Variants in CROCC2 observed in about 807,000 individuals in gnomAD.
The protein encoded by CROCC2 is ciliary rootlet coiled-coil, rootletin family member 2, also known as ciliary rootlet coiled-coil protein 2.
In CROCC2, 163 loss-of-function variants were observed where a neutral mutation model predicts 177.6. The ratio of observed to expected loss-of-function variants is 0.92; its 90% confidence interval spans 0.81 to 1.05. The LOEUF is 1.05. CROCC2 is among the 50% of genes least tolerant of loss of function. The pLI is 0.00. For synonymous variants in CROCC2, 904 were observed against 787.3 expected, an observed-to-expected ratio of 1.15 and a Z score of -2.48; for missense variants, 1,929 against 1,797.8, an observed-to-expected ratio of 1.07 and a Z score of -1.32.
rs903430784 is a variant in CROCC2 at position 240,960,585 on chromosome 2, C to T, written c.3087+1141C>T. On this transcript the variant is annotated intron_variant, in intron 20 of 31. Transcript: ENST00000690015. This position sits in a 1 kb window ranked among gnomAD's most constrained non-coding sequence, Gnocchi z 5.0. ...AGGGGAGGGTCAGCTGGAGCCCCAG[C>T]GGGGCCCACGGGGACGGGGCGACCT... 6.6e-6 allele frequency among the ~76,000 whole-genome samples: 1 copy of T among 152,146 alleles called. No individual in the cohort carries two copies. Among genetic ancestry groups the T allele is most frequent in the Non-Finnish European group, 1.5e-5 (1 of 67,958 alleles).
At chr2:240,970,109 A>G (rs2059710862) in intron 27 of CROCC2, among the ~76,000 whole-genome samples, 2 of 152,236 alleles carry the variant, frequency 1.3e-5, no homozygotes, top group African/African-American at 4.8e-5. Flanking sequence ...TGAATTTATC[A>G]AAACTAAGGA....
At position 240,972,484 on chromosome 2, in the gene CROCC2, G is replaced by A. The variant is rs1474370859; in HGVS notation, c.4401+4222G>A. Among the ~76,000 whole-genome samples the A allele has an allele frequency of 2.0e-5, 3 of 152,068 alleles. No homozygotes were observed. The highest frequency in any genetic ancestry group is 4.4e-5 in the Non-Finnish European group (3 of 68,022). ...AACCCTCTTCCCTGAGGTCCTGGTA[G>A]TACAGAGTTGCCTCCCCAACACCCC... On this transcript the variant is annotated intron_variant, in intron 27 of 31. Transcript: ENST00000690015. This position sits in a 1 kb window ranked among gnomAD's most constrained non-coding sequence, Gnocchi z 7.1.
At position 240,917,694 on chromosome 2, in the gene CROCC2, T is replaced by G. The variant is rs1205174880; in HGVS notation, c.79-1032T>G. 6.6e-6 allele frequency among the ~76,000 whole-genome samples: 1 copy of G among 152,102 alleles called. No homozygotes were observed. The highest frequency in any genetic ancestry group is 1.5e-5 in the Non-Finnish European group (1 of 67,968). ...GAGAGCCCTAGGAGTGGACATCCCCTCCCAGCTTCCCCTGGCAAGCATCCA... is the reference window on the plus strand; with the variant it reads ...GAGAGCCCTAGGAGTGGACATCCCCGCCCAGCTTCCCCTGGCAAGCATCCA... On this transcript the variant is annotated intron_variant, in intron 1 of 31. Transcript: ENST00000690015. This position sits in a 1 kb window ranked among gnomAD's most constrained non-coding sequence, Gnocchi z 4.9.
chr2:240,929,717 G>A (rs1477912056), intron 5 of CROCC2: 8 of 458,298 alleles, frequency 1.7e-5, no homozygotes, highest in African/African-American at 1.6e-4. Flanking sequence ...AGACTGTACT[G>A]GAGAAAGGCA....
intron 28 of CROCC2, among the ~76,000 whole-genome samples, chr2:240,983,938 C>T (rs1035446904): frequency 6.6e-6 from 1 of 152,134 alleles, no homozygotes; most frequent in Non-Finnish European, 1.5e-5. Context: ...GTGTGCCCTG[C>T]GGCTGGAGCA....
At chr2:240,959,529 T>C in intron 20 of CROCC2, 85 bp downstream of exon 20, 1 of 1,459,244 alleles carries the variant, frequency 6.9e-7, no homozygotes, top group Non-Finnish European at 9.2e-7. Flanking sequence ...AGAGTGGGGG[T>C]GCCAGGAGGA....
chr2:240,922,733 T>G lies in CROCC2; in HGVS notation c.488+88T>G, dbSNP rs2059364997. 6.1e-6 allele frequency: 3 copies of G among 490,392 alleles called. No homozygotes were observed. The South Asian group carries it at 8.8e-5, about 14-fold the overall frequency. 30.4% of individuals were successfully genotyped at this position (490,392 alleles called of 1,614,324 possible). On this transcript the variant is annotated intron_variant, in intron 4 of 31. Coordinates refer to ENST00000690015, the MANE Select transcript of CROCC2 (RefSeq NM_001351305.2). ...GGGACCCTCTGTGCCTTGGGGCTAC[T>G]GACAGCTCTTCCCAAAGCAGCTGTG... is the stretch of plus-strand genomic sequence containing the variant.
rs2059621385 is a variant in CROCC2, at chr2:240,960,093, G to C, written c.3087+649G>C. ...TGACTCTGGAGGCACTGGGGCAGCTGTCGCCTCCCAAAGCCTTCCCGAGAG... is the reference window on the plus strand; with the variant it reads ...TGACTCTGGAGGCACTGGGGCAGCTCTCGCCTCCCAAAGCCTTCCCGAGAG... On this transcript the variant is annotated intron_variant, in intron 20 of 31. Coordinates refer to ENST00000690015, the MANE Select transcript of CROCC2 (RefSeq NM_001351305.2). The surrounding 1 kb of genome is among the most constrained non-coding windows in gnomAD (Gnocchi z 5.0). Among the ~76,000 whole-genome samples, 1 of 152,254 alleles carries C rather than the reference G, an allele frequency of 6.6e-6. No individual in the cohort carries two copies. Among genetic ancestry groups the C allele is most frequent in the Non-Finnish European group, 1.5e-5 (1 of 68,042 alleles).
Position 240,912,293 on chromosome 2 carries a change from G to A in CROCC2, c.78+5702G>A, listed in dbSNP as rs574879584. 2.6e-5 allele frequency among the ~76,000 whole-genome samples: 4 copies of A among 152,268 alleles called. No individual in the cohort carries two copies. In the South Asian group the frequency reaches 8.3e-4, roughly 32 times the overall value. The stretch of plus-strand genomic sequence containing the variant: ...TTCGGACCCTAACCATCCAGAGCGG[G>A]CACAGACCCACAGTTTAAGGACTCA... On this transcript the variant is annotated intron_variant, in intron 1 of 31. Transcript: ENST00000690015.
intron 1 of CROCC2, among the ~76,000 whole-genome samples, chr2:240,916,762 G>A (rs1268093392): frequency 6.6e-6 from 1 of 152,238 alleles, no homozygotes; most frequent in Non-Finnish European, 1.5e-5. Flanking sequence ...GGCGGGAGCT[G>A]CTGAGCAGGC....
chr2:240,922,411 G>A, intron 3 of CROCC2, 128 bp from the exon 4 acceptor site: 1 of 574,008 alleles, frequency 1.7e-6, no homozygotes, highest in Non-Finnish European at 3.1e-6. Context: ...CCCAACCCCA[G>A]CCCCTGCTGT....
intron 15 of CROCC2, among the ~76,000 whole-genome samples, chr2:240,947,582 TG>T (rs2059531067): frequency 6.6e-6 from 1 of 152,182 alleles, no homozygotes; most frequent in African/African-American, 2.4e-5. Context: ...ACTGGCCCAG[TG>T]GGGCCAGAGA....
rs1306895103 is a variant in CROCC2 at position 240,967,355 on chromosome 2, G to A, written c.4157G>A (p.Arg1386His). The change falls in exon 26 of 32, where the codon CGC becomes CAC. Residue 1386 changes from arginine (R) to histidine (H), a missense_variant. Physicochemically the swap from Arg to His is conservative, Grantham distance 29 (BLOSUM62 0). Around this residue, in one of 3 missense-constraint regions of CROCC2, gnomAD observed 388 missense variants for 352.7 expected, o/e 1.10. Coordinates refer to ENST00000690015, the MANE Select transcript of CROCC2 (RefSeq NM_001351305.2). Reference sequence around the variant, plus strand: ...AGTCCTTCTGCCCAGGATGACTCCCGCATCCAGATGGCGACCCTGAGCAGC... The same window carrying A: ...AGTCCTTCTGCCCAGGATGACTCCCACATCCAGATGGCGACCCTGAGCAGC... Reference protein sequence around the residue: ...REAQRERDDSRIQMATLSSRL... With the variant: ...REAQRERDDSHIQMATLSSRL... 2.8e-5 allele frequency: 20 copies of A among 725,798 alleles called. No individual in the cohort carries two copies. Among genetic ancestry groups the A allele is most frequent in the Admixed American group, 8.1e-5 (4 of 49,560 alleles). The allele number at this position is 725,798 out of a possible 1,614,324, so 45.0% of individuals were successfully genotyped here. A position where few individuals can be genotyped will look rare whatever the true frequency, so the allele number is the denominator to read the frequency against.
At position 240,972,987 on chromosome 2, in the gene CROCC2, C is replaced by T. The variant is rs1252306265; in HGVS notation, c.4401+4725C>T. ...GAACATAGCCATGCTCCCTGCTGCCCCATGCCCCTTGCTGAGCAGGGGGGT... is the reference window on the plus strand; with the variant it reads ...GAACATAGCCATGCTCCCTGCTGCCTCATGCCCCTTGCTGAGCAGGGGGGT... On this transcript the variant is annotated intron_variant, in intron 27 of 31. Transcript: ENST00000690015. The surrounding 1 kb of genome is among the most constrained non-coding windows in gnomAD (Gnocchi z 7.1). Among the ~76,000 whole-genome samples, 1 of 152,062 alleles carries T rather than the reference C, an allele frequency of 6.6e-6. No individual in the cohort carries two copies. The highest frequency in any genetic ancestry group is 1.9e-4 in the East Asian group (1 of 5,138).
Position 240,931,803 on chromosome 2 carries a change from A to G in CROCC2, c.948-515A>G, listed in dbSNP as rs566100439. On this transcript the variant is annotated intron_variant, in intron 7 of 31. Coordinates refer to ENST00000690015, the MANE Select transcript of CROCC2 (RefSeq NM_001351305.2). ...GGTCCAGCTGAGTCAAACACACCAC[A>G]ACCCAGCCCCAAATGAGCAAGACAG... Among the ~76,000 whole-genome samples the G allele has an allele frequency of 7.2e-5, 11 of 152,292 alleles. No individual in the cohort carries two copies. The South Asian group carries it at 2.1e-3, about 29-fold the overall frequency.
rs920755078 is a variant in CROCC2, at chr2:240,965,920, G to T, written c.3888G>T (p.Thr1296=). The part of the protein sequence containing the change: ...AEAQLGRLCS[T]LRRGLGLQRQ... The stretch of plus-strand genomic sequence containing the variant: ...CCCAGCTGGGCCGGCTGTGCTCCAC[G>T]CTCCGCCGTGGCCTGGGGCTCCAGA... The change falls in exon 24 of 32, where the codon ACG becomes ACT. Residue 1296 remains threonine, a synonymous_variant. Transcript: ENST00000690015. 2.1e-6 allele frequency: 3 copies of T among 1,421,806 alleles called. No individual in the cohort carries two copies. Among genetic ancestry groups the T allele is most frequent in the African/African-American group, 2.9e-5 (2 of 68,944 alleles). 88.1% of individuals were successfully genotyped at this position (1,421,806 alleles called of 1,614,324 possible).
chr2:240,916,125 C>T (rs543468583), intron 1 of CROCC2, among the ~76,000 whole-genome samples: 4 of 152,242 alleles, frequency 2.6e-5, no homozygotes, highest in South Asian at 2.1e-4. Flanking sequence ...GGTGCCGACC[C>T]TCAGGACCAC....
intron 27 of CROCC2, among the ~76,000 whole-genome samples, chr2:240,974,724 G>T (rs1265154975): frequency 6.6e-6 from 1 of 151,994 alleles, no homozygotes; most frequent in Non-Finnish European, 1.5e-5. Context: ...TAAGTAATTT[G>T]TTTATGCTTG....
rs992074877 is a variant in CROCC2, at chr2:240,983,470, C to T, written c.4551+441C>T. 2.4e-6 allele frequency: 3 copies of T among 1,243,964 alleles called. No homozygotes were observed. In the African/African-American group the frequency reaches 4.9e-5, roughly 20 times the overall value. 77.1% of individuals were successfully genotyped at this position (1,243,964 alleles called of 1,614,324 possible). On this transcript the variant is annotated intron_variant, in intron 28 of 31. Transcript: ENST00000690015. The stretch of plus-strand genomic sequence containing the variant: ...GGCTCAGCGGCGGGCAGGAGGCGGC[C>T]GAGGCGCAGGCGGAGAGGCGCGTCC...
Sources: allele counts gnomAD v4.1 joint callset (sites outside exome capture counted in the v4.1 genomes callset), GRCh38; gene constraint gnomAD v4.1.1; regional missense constraint gnomAD v4.1.1; non-coding constraint Gnocchi (gnomAD v3.1); transcripts MANE v1.5; gene names NCBI Gene and HGNC (gene_info 2026-07-23, HGNC 2026-07-21).